WDR41: variants seen among roughly 807,000 people sequenced by gnomAD.
The protein encoded by WDR41 is WD repeat-containing protein 41.
A neutral mutation model predicts 69.3 loss-of-function variants in WDR41; 63 were observed. The observed-to-expected ratio is 0.91, with a 90% CI of 0.74 to 1.12. WDR41 has a LOEUF of 1.12. Ranked by LOEUF, WDR41 falls within the 50% of genes most tolerant of loss-of-function variation. The pLI, the probability that WDR41 is intolerant of heterozygous loss-of-function variation, is 0.00. For synonymous variants in WDR41, 185 were observed against 192.1 expected, an observed-to-expected ratio of 0.96 and a Z score of 0.31; for missense variants, 543 against 534.5, an observed-to-expected ratio of 1.02 and a Z score of -0.16.
intron 1 of WDR41, among the ~76,000 whole-genome samples, chr5:77,606,447 A>C (rs10462551): frequency 0.11 from 17,051 of 152,228 alleles, 972 homozygotes; most frequent in East Asian, 0.2. Flanking sequence ...AATATCAGGA[A>C]AGATGGCCAA....
chr5:77,435,499 G>T (rs1351733840), intron 12 of WDR41, among the ~76,000 whole-genome samples: 1 of 152,168 alleles, frequency 6.6e-6, no homozygotes, highest in Admixed American at 6.5e-5. Context: ...CTGAAATACA[G>T]GAAATGCTCA....
chr5:77,456,420 G>A lies in WDR41; in HGVS notation c.412-2492C>T, dbSNP rs1799834471. ...ATAGAAATACAATTGATTTCTGTGT[G>A]TTGATATTATATCCTGAAACCTTGC... On this transcript the variant is annotated intron_variant, in intron 5 of 12. Coordinates refer to ENST00000296679, the MANE Select transcript of WDR41 (RefSeq NM_018268.4). Among the ~76,000 whole-genome samples the A allele has an allele frequency of 2.0e-5, 3 of 152,180 alleles. No individual in the cohort carries two copies. The South Asian group carries it at 6.2e-4, about 32-fold the overall frequency.
chr5:77,539,401 A>G (rs1743047716), intron 1 of WDR41, among the ~76,000 whole-genome samples: 1 of 152,134 alleles, frequency 6.6e-6, no homozygotes, highest in African/African-American at 2.4e-5. Flanking sequence ...CGTAAGAGTC[A>G]CCTGGCAGAT....
intron 1 of WDR41, among the ~76,000 whole-genome samples, chr5:77,535,972 C>A (rs1323480440): frequency 6.6e-6 from 1 of 151,910 alleles, no homozygotes; most frequent in Non-Finnish European, 1.5e-5. Flanking sequence ...AAATTTTTGC[C>A]CAAGGATTTT....
In WDR41 at chr5:77,453,948, T is replaced by C. The variant is rs771389071; in HGVS notation, c.412-20A>G. 7.0e-5 allele frequency: 110 copies of C among 1,578,958 alleles called. No homozygotes were observed. Among genetic ancestry groups the C allele is most frequent in the Non-Finnish European group, 9.6e-5 (110 of 1,148,202 alleles). On this transcript the variant is annotated intron_variant, in intron 5 of 12. Transcript: ENST00000296679. ...TAAACACTGCAAAATTTATTTGAAA[T>C]GTATATCAGGTTAGAAACTTAAGCA...
chr5:77,438,054 T>C (rs1305787866), intron 10 of WDR41, among the ~76,000 whole-genome samples, 186 bp downstream of exon 10: 1 of 152,228 alleles, frequency 6.6e-6, no homozygotes, highest in Non-Finnish European at 1.5e-5. Context: ...TTGCTTCTTG[T>C]AAATTCTGTA....
At chr5:77,583,680 T>G (rs1455355797) in intron 1 of WDR41, among the ~76,000 whole-genome samples, 2 of 152,170 alleles carry the variant, frequency 1.3e-5, no homozygotes, top group East Asian at 3.9e-4. Context: ...ACCACTGAAT[T>G]TCATCAACCA....
rs1316309300 is a variant in WDR41, at chr5:77,592,122, G to A, written c.42+28357C>T. On this transcript the variant is annotated intron_variant, in intron 1 of 5. Coordinates refer to the WDR41 transcript ENST00000509971. ...AAATGAACTTCTTTGTCTTAGTAAAGTCTACTTTATCTGGTATTACTGTCA... is the reference window on the plus strand; with the variant it reads ...AAATGAACTTCTTTGTCTTAGTAAAATCTACTTTATCTGGTATTACTGTCA... 2.0e-5 allele frequency among the ~76,000 whole-genome samples: 3 copies of A among 152,046 alleles called. No homozygotes were observed. The East Asian group carries it at 5.8e-4, about 29-fold the overall frequency.
At chr5:77,617,166 A>C (rs569143968) in intron 1 of WDR41, among the ~76,000 whole-genome samples, 1 of 152,352 alleles carries the variant, frequency 6.6e-6, no homozygotes, top group Admixed American at 6.5e-5. Flanking sequence ...AATAGCCACA[A>C]GCCACATGTG....
chr5:77,497,809 A>C (rs1170829202), intron 1 of WDR41, among the ~76,000 whole-genome samples: 1 of 152,230 alleles, frequency 6.6e-6, no homozygotes, highest in Non-Finnish European at 1.5e-5. Context: ...TGACATCAGC[A>C]CTATTCACAA....
At chr5:77,561,241 A>G (rs984924764) in intron 1 of WDR41, among the ~76,000 whole-genome samples, 21 of 152,176 alleles carry the variant, frequency 1.4e-4, no homozygotes, top group African/African-American at 4.8e-4. Flanking sequence ...CAATCAGATG[A>G]CATTACTATG....
At chr5:77,518,831 T>A (rs533769853) in intron 1 of WDR41, among the ~76,000 whole-genome samples, 27 of 152,154 alleles carry the variant, frequency 1.8e-4, no homozygotes, top group African/African-American at 6.3e-4. Context: ...TAAATAAATA[T>A]ATATGAGCAG....
chr5:77,561,271 A>G (rs1743518930), intron 1 of WDR41, among the ~76,000 whole-genome samples: 1 of 152,154 alleles, frequency 6.6e-6, no homozygotes, highest in African/African-American at 2.4e-5. Flanking sequence ...TTATGAAAAT[A>G]ATTTTTGCAT....
At chr5:77,464,970 C>T (rs1315552868) in intron 2 of WDR41, among the ~76,000 whole-genome samples, 161 bp from the exon 3 acceptor site, 1 of 152,142 alleles carries the variant, frequency 6.6e-6, no homozygotes, top group Non-Finnish European at 1.5e-5. Flanking sequence ...ATTCCAGCTT[C>T]TGTACCAGGT....
At chr5:77,526,004 C>T (rs539853183) in intron 1 of WDR41, among the ~76,000 whole-genome samples, 1 of 152,130 alleles carries the variant, frequency 6.6e-6, no homozygotes, top group South Asian at 2.1e-4. Flanking sequence ...AAATTTTATC[C>T]ATCATGAAAA....
At chr5:77,434,951 G>A (rs980092705) in intron 12 of WDR41, among the ~76,000 whole-genome samples, 8 of 152,028 alleles carry the variant, frequency 5.3e-5, no homozygotes, top group African/African-American at 1.9e-4. Context: ...AAAAAATAAA[G>A]TCCAAACTCC....
chr5:77,571,894 A>C (rs1293166954), intron 1 of WDR41, among the ~76,000 whole-genome samples: 1 of 152,164 alleles, frequency 6.6e-6, no homozygotes, highest in Non-Finnish European at 1.5e-5. Flanking sequence ...AAAGGGGGAA[A>C]GTGTTTTTCC....
intron 1 of WDR41, among the ~76,000 whole-genome samples, chr5:77,616,598 T>G (rs1397498274): frequency 6.6e-6 from 1 of 152,210 alleles, no homozygotes; most frequent in Non-Finnish European, 1.5e-5. Flanking sequence ...TTAGTGTGCA[T>G]GTATGTGTGT....
chr5:77,444,362 C>G (rs531073785), intron 8 of WDR41, among the ~76,000 whole-genome samples: 1 of 152,280 alleles, frequency 6.6e-6, no homozygotes, highest in South Asian at 2.1e-4. Flanking sequence ...CTCACAAGTA[C>G]TAGTACTTCA....
Sources: gnomAD v4.1 joint callset for allele counts (sites outside exome capture counted in the v4.1 genomes callset) on GRCh38, gnomAD v4.1.1 for gene constraint, MANE v1.5 for transcripts, NCBI Gene and HGNC (gene_info 2026-07-23, HGNC 2026-07-21) for gene names.